Variants in MLLT3 observed in about 807,000 individuals in gnomAD.
MLLT3 encodes the protein MLLT3 super elongation complex subunit, also known as protein AF-9.
MLLT3 carries 4 observed loss-of-function variants against 53.2 expected under a neutral mutation model. That is an observed-to-expected ratio of 0.08 (90% CI 0.04 to 0.17). The LOEUF (loss-of-function observed/expected upper bound fraction) is 0.17. Ranked by LOEUF, MLLT3 falls within the 10% of genes least tolerant of loss-of-function variation. The pLI is 1.00. For synonymous variants in MLLT3, 283 were observed against 230.6 expected (o/e 1.23, Z -2.06); for missense variants, 569 against 684.0 (o/e 0.83, Z 1.87).
chr9:20,470,565 C>T (rs752586390), intron 2 of MLLT3, among the ~76,000 whole-genome samples: 21 of 152,006 alleles, frequency 1.4e-4, no homozygotes, highest in Non-Finnish European at 2.8e-4. Context: ...ACCAGAAAGA[C>T]TACCAAGAAA....
chr9:20,474,101 T>C (rs1415779462), intron 2 of MLLT3, among the ~76,000 whole-genome samples: 2 of 151,990 alleles, frequency 1.3e-5, no homozygotes, highest in East Asian at 3.9e-4. Context: ...CGGCTGGGAG[T>C]GTCTTTTTCG....
chr9:20,575,606 G>A (rs1328084583), intron 2 of MLLT3, among the ~76,000 whole-genome samples: 1 of 152,134 alleles, frequency 6.6e-6, no homozygotes, highest in African/African-American at 2.4e-5. Context: ...ATTTCCTCGT[G>A]TATCTCCATC....
intron 2 of MLLT3, among the ~76,000 whole-genome samples, chr9:20,466,478 T>G (rs1824240755): frequency 6.6e-6 from 1 of 152,198 alleles, no homozygotes; most frequent in African/African-American, 2.4e-5. Context: ...TTACAGAGTA[T>G]GGGGTTTTTT....
Position 20,471,684 on chromosome 9 carries a change from G to A in MLLT3, c.194-14898C>T, listed in dbSNP as rs912178844. Among the ~76,000 whole-genome samples the A allele has an allele frequency of 1.6e-4, 24 of 152,072 alleles. 1 individual carries two copies. Among genetic ancestry groups the A allele is most frequent in the Admixed American group, 1.2e-3 (18 of 15,254 alleles). ...AATGCTAAATGCCTGCCAAACATTCGTCTTAAAACATATTTTGCCAACAGT... is the reference window on the plus strand; with the variant it reads ...AATGCTAAATGCCTGCCAAACATTCATCTTAAAACATATTTTGCCAACAGT... On this transcript the variant is annotated intron_variant, in intron 2 of 10. Transcript: ENST00000380338.
intron 2 of MLLT3, among the ~76,000 whole-genome samples, chr9:20,467,142 C>A (rs746542799): frequency 1.3e-5 from 2 of 151,602 alleles, no homozygotes; most frequent in Non-Finnish European, 2.9e-5. Context: ...CGGATATTGG[C>A]AAAGAGTTTT....
intron 5 of MLLT3, among the ~76,000 whole-genome samples, chr9:20,376,347 A>ATACC (rs1393652889): frequency 6.6e-6 from 1 of 152,190 alleles, no homozygotes; most frequent in African/African-American, 2.4e-5. Context: ...AGCTATTGTT[A>ATACC]TACCCATCAT....
intron 2 of MLLT3, among the ~76,000 whole-genome samples, chr9:20,459,504 A>G (rs1824056362): frequency 6.6e-6 from 1 of 152,222 alleles, no homozygotes; most frequent in African/African-American, 2.4e-5. Context: ...GCCCCTTTTC[A>G]GAACAGCAAT....
chr9:20,406,092 A>G (rs906823606), intron 5 of MLLT3, among the ~76,000 whole-genome samples: 3 of 152,028 alleles, frequency 2.0e-5, no homozygotes, highest in East Asian at 1.9e-4. Context: ...AGCCTGGATA[A>G]CAGAGTGAGA....
intron 4 of MLLT3, among the ~76,000 whole-genome samples, chr9:20,420,000 A>C (rs1822966674): frequency 6.6e-6 from 1 of 152,212 alleles, no homozygotes; most frequent in Admixed American, 6.5e-5. Context: ...ACAGAAATTT[A>C]GGAATGAAAG....
intron 2 of MLLT3, among the ~76,000 whole-genome samples, chr9:20,471,273 T>G (rs1824386794): frequency 6.6e-6 from 1 of 152,068 alleles, no homozygotes; most frequent in Admixed American, 6.6e-5. Flanking sequence ...ACAAAAATTA[T>G]TACTTGTAAT....
chr9:20,547,442 A>G (rs992684030), intron 2 of MLLT3, among the ~76,000 whole-genome samples: 8 of 151,722 alleles, frequency 5.3e-5, no homozygotes, highest in Non-Finnish European at 1.5e-5. Flanking sequence ...TCAGGAGTTT[A>G]CAACCAGCCC....
intron 2 of MLLT3, among the ~76,000 whole-genome samples, chr9:20,586,910 G>GT (rs993677752): frequency 1.4e-4 from 21 of 151,792 alleles, no homozygotes; most frequent in South Asian, 4.2e-4. Context: ...CCTTTATTTT[G>GT]TTTTTTTTAA....
At chr9:20,458,190 C>T (rs769317040) in intron 2 of MLLT3, among the ~76,000 whole-genome samples, 8 of 152,158 alleles carry the variant, frequency 5.3e-5, no homozygotes, top group Non-Finnish European at 1.2e-4. Flanking sequence ...TCCTTTTATC[C>T]TCCCAAAAAG....
At chr9:20,622,043 GTC>G (rs1821031785) in intron 1 of MLLT3, 200 bp downstream of exon 1, 1 of 468,540 alleles carries the variant, frequency 2.1e-6, no homozygotes, top group Non-Finnish European at 2.7e-6. Context: ...GTGTGTGTGT[GTC>G]TGTGTGTCTG....
chr9:20,571,505 T>C (rs1423875758), intron 2 of MLLT3, among the ~76,000 whole-genome samples: 2 of 152,206 alleles, frequency 1.3e-5, no homozygotes, highest in Non-Finnish European at 2.9e-5. Flanking sequence ...GTTTGTTACA[T>C]AGGTATACAC....
At chr9:20,493,689 C>A (rs1211896746) in intron 2 of MLLT3, among the ~76,000 whole-genome samples, 1 of 151,722 alleles carries the variant, frequency 6.6e-6, no homozygotes, top group Non-Finnish European at 1.5e-5. Flanking sequence ...CAATGTTCAC[C>A]CCAAAACATG....
intron 10 of MLLT3, among the ~76,000 whole-genome samples, chr9:20,348,007 C>G (rs1158903801): frequency 6.6e-6 from 1 of 152,122 alleles, no homozygotes; most frequent in Admixed American, 6.5e-5. Flanking sequence ...AAAATGTGCT[C>G]CCCATTCCTG....
chr9:20,613,168 G>C (rs1820742388), intron 2 of MLLT3, among the ~76,000 whole-genome samples: 1 of 152,142 alleles, frequency 6.6e-6, no homozygotes, highest in Non-Finnish European at 1.5e-5. Flanking sequence ...AAAAAAGCAA[G>C]ATGCAAATGT....
chr9:20,363,291 G>A (rs945611771), intron 7 of MLLT3, 185 bp downstream of exon 7: 10 of 573,374 alleles, frequency 1.7e-5, no homozygotes, highest in African/African-American at 1.3e-4. Flanking sequence ...GCCTCTTTCT[G>A]AGAAAAAGGA....
Sources: allele counts gnomAD v4.1 joint callset (sites outside exome capture counted in the v4.1 genomes callset), GRCh38; gene constraint gnomAD v4.1.1; transcripts MANE v1.5; gene names NCBI Gene and HGNC (gene_info 2026-07-23, HGNC 2026-07-21).